Variants in BANK1 observed in about 807,000 individuals in gnomAD.
BANK1 encodes B-cell scaffold protein with ankyrin repeats.
In BANK1, 95 loss-of-function variants were observed where a neutral mutation model predicts 94.5. The observed-to-expected ratio is 1.00, with a 90% CI of 0.85 to 1.19. The LOEUF (loss-of-function observed/expected upper bound fraction) is 1.19. BANK1 is among the 50% of genes most tolerant of loss of function. The pLI, the probability that BANK1 is intolerant of heterozygous loss-of-function variation, is 0.00. For synonymous variants in BANK1, 334 were observed against 308.4 expected (o/e 1.08, Z -0.87); for missense variants, 987 against 932.2 (o/e 1.06, Z -0.77).
At chr4:101,832,882 T>G (rs1043787600) in intron 2 of BANK1, among the ~76,000 whole-genome samples, 1 of 152,000 alleles carries the variant, frequency 6.6e-6, no homozygotes, top group African/African-American at 2.4e-5. Context: ...TTTGCTTTCT[T>G]TTTCCCTCCC....
chr4:101,902,418 A>G lies in BANK1; in HGVS notation c.1009+7008A>G, dbSNP rs77341612. 4.7e-3 allele frequency among the ~76,000 whole-genome samples: 720 copies of G among 152,324 alleles called. 13 individuals carry two copies. In the East Asian group the frequency reaches 0.058, roughly 12 times the overall value. On this transcript the variant is annotated intron_variant, in intron 6 of 16. Transcript: ENST00000322953. ...CTCTAAGAAATAAATTATTATAAAT[A>G]TTGTTTAGCATGTAATTTTCAATTT...
chr4:102,013,543 GC>G (rs1271359030), intron 7 of BANK1, among the ~76,000 whole-genome samples: 2 of 151,968 alleles, frequency 1.3e-5, no homozygotes, highest in East Asian at 3.9e-4. Context: ...AGGAATGGTG[GC>G]CCCAGGAGAA....
At chr4:102,003,173 C>T (rs1180485927) in intron 7 of BANK1, among the ~76,000 whole-genome samples, 1 of 152,134 alleles carries the variant, frequency 6.6e-6, no homozygotes, top group African/African-American at 2.4e-5. Flanking sequence ...GGAAGGAATA[C>T]ACTAAGTAGA....
At chr4:101,900,485 G>A (rs1162365676) in intron 6 of BANK1, among the ~76,000 whole-genome samples, 1 of 152,154 alleles carries the variant, frequency 6.6e-6, no homozygotes, top group Admixed American at 6.5e-5. Flanking sequence ...CCAGATGGGA[G>A]GCTGTCTTAG....
intron 4 of BANK1, among the ~76,000 whole-genome samples, chr4:101,863,599 ATTTCCTTGCACAGCTTAGACTG>A (rs1727962238): frequency 1.3e-5 from 2 of 152,100 alleles, no homozygotes; most frequent in East Asian, 1.9e-4. Flanking sequence ...ATGTGTATGG[ATTTCCTTGCACAGCTTAGACTG>A]AAGTTGGATT....
At chr4:102,000,531 G>A (rs1726027152) in intron 7 of BANK1, among the ~76,000 whole-genome samples, 1 of 152,114 alleles carries the variant, frequency 6.6e-6, no homozygotes, top group Non-Finnish European at 1.5e-5. Context: ...GGGTGGGAAG[G>A]TGACATAGTT....
chr4:102,071,691 C>T (rs1054451265), intron 14 of BANK1, among the ~76,000 whole-genome samples: 7 of 152,160 alleles, frequency 4.6e-5, no homozygotes, highest in Non-Finnish European at 8.8e-5. Flanking sequence ...AATGGAAGCT[C>T]GTGCTTGATA....
At chr4:101,912,689 G>A (rs886876773) in intron 6 of BANK1, among the ~76,000 whole-genome samples, 1 of 150,022 alleles carries the variant, frequency 6.7e-6, no homozygotes, top group Non-Finnish European at 1.5e-5. Flanking sequence ...TGCAGGGCAG[G>A]TTGGCACTTA....
chr4:101,924,205 A>C (rs1723085068), intron 7 of BANK1, among the ~76,000 whole-genome samples: 1 of 151,814 alleles, frequency 6.6e-6, no homozygotes, highest in Admixed American at 6.6e-5. Flanking sequence ...TAGAATGTTC[A>C]TTAGGAAAGA....
intron 2 of BANK1, among the ~76,000 whole-genome samples, chr4:101,853,742 G>A (rs574790426): frequency 1.3e-5 from 2 of 152,078 alleles, no homozygotes; most frequent in Non-Finnish European, 2.9e-5. Context: ...AGACTGAGGG[G>A]TCTCCTGGGG....
At chr4:101,916,461 G>T (rs1342520533) in intron 6 of BANK1, among the ~76,000 whole-genome samples, 1 of 151,890 alleles carries the variant, frequency 6.6e-6, no homozygotes, top group East Asian at 1.9e-4. Flanking sequence ...CTTGTTTAAT[G>T]CTTATATTCT....
At chr4:101,890,025 G>T (rs1721790908) in intron 5 of BANK1, among the ~76,000 whole-genome samples, 1 of 152,142 alleles carries the variant, frequency 6.6e-6, no homozygotes, top group South Asian at 2.1e-4. Context: ...GGTCAGAAAA[G>T]ACACTGTATG....
intron 10 of BANK1, among the ~76,000 whole-genome samples, chr4:102,032,711 C>T (rs1385001454): frequency 3.3e-5 from 5 of 151,692 alleles, no homozygotes; most frequent in Non-Finnish European, 7.4e-5. Flanking sequence ...GATGAAACCC[C>T]GTCTCTACTA....
chr4:101,989,938 T>G (rs1328146472), intron 7 of BANK1, among the ~76,000 whole-genome samples: 1 of 152,170 alleles, frequency 6.6e-6, no homozygotes, highest in African/African-American at 2.4e-5. Flanking sequence ...TACTTTTAAA[T>G]GGTTTCACAT....
intron 7 of BANK1, among the ~76,000 whole-genome samples, chr4:101,958,464 C>CTTTTTTTTTTTTTTTTTTTTTTTTTTTTT (rs35066662): frequency 9.0e-6 from 1 of 110,732 alleles, no homozygotes; most frequent in Non-Finnish European, 1.8e-5. Context: ...GCCCCCCATG[C>CTTTTTTTTTTTTTTTTTTTTTTTTTTTTT]TTTTTTTTTT....
At chr4:101,833,987 A>G (rs1726724562) in intron 2 of BANK1, among the ~76,000 whole-genome samples, 1 of 151,994 alleles carries the variant, frequency 6.6e-6, no homozygotes, top group African/African-American at 2.4e-5. Flanking sequence ...AGTTTATGCT[A>G]CTCTTCTCCC....
intron 10 of BANK1, among the ~76,000 whole-genome samples, chr4:102,038,818 A>C (rs1310375710): frequency 6.6e-6 from 1 of 152,196 alleles, no homozygotes; most frequent in South Asian, 2.1e-4. Context: ...AGTAGAAAAA[A>C]AGATTTATAG....
intron 2 of BANK1, among the ~76,000 whole-genome samples, chr4:101,852,016 G>A (rs1205634686): frequency 8.6e-5 from 13 of 152,028 alleles, no homozygotes; most frequent in Non-Finnish European, 1.2e-4. Context: ...TTTGGAAAAC[G>A]AATTTTCTAT....
chr4:102,009,405 C>G (rs6532983), intron 7 of BANK1, among the ~76,000 whole-genome samples: 6,795 of 152,278 alleles, frequency 0.045, 535 homozygotes, highest in African/African-American at 0.15. Flanking sequence ...TGCCCAGATG[C>G]CCTACCTCTG....
Sources: gnomAD v4.1 joint callset for allele counts (sites outside exome capture counted in the v4.1 genomes callset) on GRCh38, gnomAD v4.1.1 for gene constraint, MANE v1.5 for transcripts, NCBI Gene and HGNC (gene_info 2026-07-23, HGNC 2026-07-21) for gene names.